Variants in SPRY3 observed in about 807,000 individuals in gnomAD.
The protein encoded by SPRY3 is sprouty RTK signaling antagonist 3.
Under a neutral mutation model 20.2 loss-of-function variants are expected in SPRY3, and 15 were observed. That is an observed-to-expected ratio of 0.74 (90% CI 0.50 to 1.14). SPRY3 has a LOEUF of 1.14. Among genes scored for constraint, SPRY3 ranks in the 50% most tolerant of loss-of-function variants. SPRY3 has a pLI of 0.00. For synonymous variants in SPRY3, 143 were observed against 136.5 expected, an observed-to-expected ratio of 1.05 and a Z score of -0.33; for missense variants, 364 against 363.9, an observed-to-expected ratio of 1.00 and a Z score of 0.00.
intron 2 of SPRY3, among the ~76,000 whole-genome samples, chrX:155,723,826 G>A (rs1203813581): frequency 1.3e-5 from 2 of 152,138 alleles, no homozygotes; most frequent in African/African-American, 4.8e-5. Context: ...TGTTGCCATT[G>A]CTTTTGATGT....
In SPRY3 at chrX:155,686,538, A is replaced by G. The variant is rs1409431019; in HGVS notation, c.-282+29513A>G. Among the ~76,000 whole-genome samples the G allele has an allele frequency of 2.7e-5, 3 of 111,809 alleles. No individual in the cohort carries two copies. The East Asian group carries it at 8.4e-4, about 31-fold the overall frequency. ...CAAAGTCTTTAGTATAATAGTTAGT[A>G]TCAAATCCATGAATAAATGAGTCAG... On this transcript the variant is annotated intron_variant, in intron 2 of 3. Coordinates refer to ENST00000675360, the Ensembl canonical transcript of SPRY3.
intron 2 of SPRY3, among the ~76,000 whole-genome samples, chrX:155,756,684 G>A (rs372121675): frequency 2.0e-5 from 3 of 152,182 alleles, no homozygotes; most frequent in Non-Finnish European, 4.4e-5. Flanking sequence ...GAAATGAGGA[G>A]AAAGTTTTCC....
At chrX:155,739,094 A>G (rs895814151) in intron 2 of SPRY3, among the ~76,000 whole-genome samples, 45 of 152,226 alleles carry the variant, frequency 3.0e-4, no homozygotes, top group Admixed American at 2.1e-3. Context: ...GGTTCAAGTC[A>G]GCCATTCTAG....
chrX:155,764,214 T>G (rs2091315571), intron 2 of SPRY3, among the ~76,000 whole-genome samples: 1 of 152,188 alleles, frequency 6.6e-6, no homozygotes, highest in Admixed American at 6.5e-5. Context: ...CTAGGCCCAA[T>G]GCTGCCACTT....
chrX:155,639,226 T>A (rs1485096446), intron 1 of SPRY3, among the ~76,000 whole-genome samples: 3 of 112,579 alleles, frequency 2.7e-5, no homozygotes, highest in African/African-American at 9.7e-5. Context: ...TACAAAGAAC[T>A]GCACATATTT....
intron 2 of SPRY3, among the ~76,000 whole-genome samples, chrX:155,764,214 T>A (rs2091315571): frequency 6.6e-6 from 1 of 152,188 alleles, no homozygotes. Flanking sequence ...CTAGGCCCAA[T>A]GCTGCCACTT....
intron 2 of SPRY3, among the ~76,000 whole-genome samples, chrX:155,688,678 G>A (rs1174971139): frequency 9.1e-6 from 1 of 109,965 alleles, no homozygotes; most frequent in African/African-American, 3.3e-5. Flanking sequence ...ACGCATGTAT[G>A]TCTTTTTTTA....
chrX:155,693,865 C>G (rs1300379658), intron 2 of SPRY3, among the ~76,000 whole-genome samples: 1 of 99,665 alleles, frequency 1.0e-5, no homozygotes, highest in East Asian at 3.3e-4. Flanking sequence ...TACAATGGCA[C>G]AATCATAGCT....
At chrX:155,636,942 C>A (rs2067925350) in intron 1 of SPRY3, among the ~76,000 whole-genome samples, 1 of 101,871 alleles carries the variant, frequency 9.8e-6, no homozygotes, top group Admixed American at 1.1e-4. Context: ...GAACAAAAAA[C>A]CAAACACCAC....
intron 2 of SPRY3, among the ~76,000 whole-genome samples, chrX:155,742,262 G>T (rs2091207534): frequency 6.6e-6 from 1 of 152,072 alleles, no homozygotes; most frequent in Non-Finnish European, 1.5e-5. Flanking sequence ...TTACATAATG[G>T]TAAAGAGTTC....
intron 1 of SPRY3, among the ~76,000 whole-genome samples, chrX:155,629,458 A>C (rs2067899209): frequency 9.0e-6 from 1 of 111,213 alleles, no homozygotes; most frequent in Non-Finnish European, 1.9e-5. Flanking sequence ...ATAGTGCTGC[A>C]ATAAACATAC....
intron 2 of SPRY3, among the ~76,000 whole-genome samples, chrX:155,725,622 A>G (rs1291212037): frequency 6.6e-6 from 1 of 152,108 alleles, no homozygotes; most frequent in Admixed American, 6.6e-5. Flanking sequence ...TGTTTATAGT[A>G]TTCTCTGATG....
chrX:155,735,415 G>A (rs1332416796), intron 2 of SPRY3, among the ~76,000 whole-genome samples: 2 of 151,848 alleles, frequency 1.3e-5, no homozygotes, highest in Non-Finnish European at 2.9e-5. Flanking sequence ...TTTGAGAGAA[G>A]GATGTTGAAA....
intron 2 of SPRY3, among the ~76,000 whole-genome samples, chrX:155,738,648 G>T (rs2091184623): frequency 6.6e-6 from 1 of 152,120 alleles, no homozygotes; most frequent in Admixed American, 6.5e-5. Flanking sequence ...AGCCAAGGGA[G>T]TTGGTGAGTG....
At chrX:155,627,817 AC>A (rs1303760323) in intron 1 of SPRY3, among the ~76,000 whole-genome samples, 1 of 101,450 alleles carries the variant, frequency 9.9e-6, no homozygotes, top group Admixed American at 1.1e-4. Context: ...TCTCCCTCCC[AC>A]CCCCCAACAG....
Position 155,631,121 on chromosome X carries a change from A to G in SPRY3, c.-441+18474A>G, listed in dbSNP as rs145106332. On this transcript the variant is annotated intron_variant, in intron 1 of 3. Coordinates refer to ENST00000675360, the Ensembl canonical transcript of SPRY3. ...TTCTCTCCCTGCTCCAGTAGTCCAC[A>G]GGGTCTATTGCTGTCATATTTATGT... is the stretch of plus-strand genomic sequence containing the variant. Among the ~76,000 whole-genome samples the G allele has an allele frequency of 6.9e-3, 765 of 110,741 alleles. 6 individuals carry two copies. The highest frequency in any genetic ancestry group is 0.024 in the African/African-American group (724 of 30,411).
At chrX:155,774,675 T>A (rs1333859142) in exon 4 of SPRY3, 1 of 1,613,716 alleles carries the variant, frequency 6.2e-7, no homozygotes, top group African/African-American at 1.3e-5. Flanking sequence ...ACACCAACAC[T>A]GTGTGCAGAA....
chrX:155,704,705 A>G (rs2090937425), intron 2 of SPRY3, among the ~76,000 whole-genome samples: 1 of 151,602 alleles, frequency 6.6e-6, no homozygotes, highest in East Asian at 1.9e-4. Flanking sequence ...TAAAAACCAA[A>G]CAAATTAGGC....
At chrX:155,724,196 TAC>T (rs1275206516) in intron 2 of SPRY3, among the ~76,000 whole-genome samples, 1 of 152,172 alleles carries the variant, frequency 6.6e-6, no homozygotes, top group African/African-American at 2.4e-5. Flanking sequence ...AGTCTTGCAG[TAC>T]AGTTTGAAAT....
Sources: allele counts gnomAD v4.1 joint callset (sites outside exome capture counted in the v4.1 genomes callset), GRCh38; gene constraint gnomAD v4.1.1; transcripts MANE v1.5; gene names NCBI Gene and HGNC (gene_info 2026-07-23, HGNC 2026-07-21).